The following TARS1 variants were observed in gnomAD, a reference collection of about 807,000 sequenced individuals.
The protein encoded by TARS1 is threonine--tRNA ligase 1, cytoplasmic.
In TARS1, 57 loss-of-function variants were observed where a neutral mutation model predicts 97.7. The ratio of observed to expected loss-of-function variants is 0.58; its 90% confidence interval spans 0.47 to 0.73. The LOEUF (loss-of-function observed/expected upper bound fraction) is 0.73. Among genes scored for constraint, TARS1 ranks in the 30% least tolerant of loss-of-function variants. The probability of loss-of-function intolerance (pLI) is 0.00; values close to 1 mark genes in which losing one functional copy is unlikely to be tolerated. For synonymous variants in TARS1, 312 were observed against 293.7 expected (o/e 1.06, Z -0.64); for missense variants, 806 against 888.3 (o/e 0.91, Z 1.18).
chr5:33,461,567 T>A, intron 13 of TARS1, 100 bp from the exon 14 acceptor site: 1 of 1,227,900 alleles, frequency 8.1e-7, no homozygotes, highest in South Asian at 1.4e-5. Context: ...GCAGAGAATA[T>A]TGATCTATGA....
intron 17 of TARS1, among the ~76,000 whole-genome samples, chr5:33,464,908 T>C (rs1422687452): frequency 1.3e-5 from 2 of 149,370 alleles, no homozygotes; most frequent in Non-Finnish European, 3.0e-5. Flanking sequence ...TACTAAAAAA[T>C]ACAAAAAATT....
rs768297886 is a variant in TARS1, at chr5:33,455,021, C to T, written c.530C>T (p.Pro177Leu). 2.1e-5 allele frequency: 34 copies of T among 1,613,566 alleles called. No homozygotes were observed. In the Middle Eastern group the frequency reaches 8.3e-4, roughly 39 times the overall value. ...TATGGTGGATGTTTATGCTACGGTC[C>T]GCCAATAGAAAATGGATTCTATTAT... ...RVYGGCLCYG[P>L]PIENGFYYDM... is the part of the protein sequence containing the mutation. Residue 177 changes from proline (P) to leucine (L), a missense_variant, in exon 5 of 19, where the codon CCG (proline) becomes CTG (leucine). Transcript: ENST00000265112.
At chr5:33,467,240 G>A (rs899592964) in intron 18 of TARS1, among the ~76,000 whole-genome samples, 2 of 150,806 alleles carry the variant, frequency 1.3e-5, no homozygotes, top group African/African-American at 4.9e-5. Context: ...GAATGAAGAC[G>A]CATTGCTTTT....
rs1398842086 is a variant in TARS1, at chr5:33,467,834, A to G, written c.*126A>G. On this transcript the variant is annotated 3_prime_UTR_variant, in exon 19 of 19. Transcript: ENST00000265112. ...GAGTTTGGCAAAGTCTGAATAGGTC[A>G]ACCTGCAGGCGTAACTATTTTTGAC... The G allele has an allele frequency of 2.7e-5, 26 of 979,620 alleles. No individual in the cohort carries two copies. 60.7% of individuals were successfully genotyped at this position (979,620 alleles called of 1,614,324 possible). A position where few individuals can be genotyped will look rare whatever the true frequency, so the allele number is the denominator to read the frequency against.
chr5:33,461,029 C>G lies in TARS1; in HGVS notation c.1378C>G (p.Gln460Glu). ...ACTCACCCGGGTACGAAGATTCCAA[C>G]AGGATGATGCTCACATATTCTGTGC... ...TGLTRVRRFQ[Q>E]DDAHIFCAME... Residue 460 changes from glutamine (Q) to glutamate (E), a missense_variant, in exon 12 of 19, where the codon CAG becomes GAG. Around this residue, in one of 3 missense-constraint regions of TARS1, gnomAD observed 446 missense variants for 511.0 expected, o/e 0.87. Transcript: ENST00000265112. The G allele has an allele frequency of 6.2e-7, 1 of 1,614,136 alleles. No homozygotes were observed. Among genetic ancestry groups the G allele is most frequent in the Non-Finnish European group, 8.5e-7 (1 of 1,180,028 alleles).
At chr5:33,466,295 T>A (rs1460127602) in intron 17 of TARS1, 4 of 152,220 alleles carry the variant, frequency 2.6e-5, no homozygotes, top group African/African-American at 9.7e-5. Context: ...ACATTTTTTA[T>A]ACTCATTGTT....
rs1267599588 is a variant in TARS1 at position 33,441,021 on chromosome 5, C to T, written c.-66C>T. The T allele has an allele frequency of 8.7e-6, 14 of 1,606,890 alleles. No homozygotes were observed. The African/African-American group carries it at 9.4e-5, about 11-fold the overall frequency. On this transcript the variant is annotated 5_prime_UTR_variant, in exon 1 of 19. Coordinates refer to ENST00000265112, the MANE Select transcript of TARS1 (RefSeq NM_152295.5). ...TCCCGGGCGCTAGCCCACCTCCCAC[C>T]CGCCTCTTGGCTCCTCTCCTCTAGG...
intron 17 of TARS1, among the ~76,000 whole-genome samples, chr5:33,465,273 A>G (rs560468727): frequency 6.6e-6 from 1 of 152,142 alleles, no homozygotes; most frequent in Non-Finnish European, 1.5e-5. Context: ...GAAGTTCTGT[A>G]TTGGTTAACT....
intron 11 of TARS1, among the ~76,000 whole-genome samples, chr5:33,460,121 C>T (rs1742222332): frequency 6.6e-6 from 1 of 151,652 alleles, no homozygotes; most frequent in Non-Finnish European, 1.5e-5. Context: ...TATATGCCAC[C>T]ATGCCCAGCT....
At chr5:33,458,415 C>A in intron 9 of TARS1, 151 bp from the exon 10 acceptor site, 1 of 550,200 alleles carries the variant, frequency 1.8e-6, no homozygotes, top group Non-Finnish European at 3.1e-6. Context: ...ATCAGAAACA[C>A]TGACATGGTT....
intron 3 of TARS1, 23 bp downstream of exon 3, chr5:33,448,754 C>A: frequency 6.5e-7 from 1 of 1,528,980 alleles, no homozygotes; most frequent in Non-Finnish European, 8.8e-7. Context: ...CCCATCATGA[C>A]CTTCCATAGT....
chr5:33,459,065 C>G (rs1460871854), intron 10 of TARS1, among the ~76,000 whole-genome samples: 1 of 151,802 alleles, frequency 6.6e-6, no homozygotes, highest in Non-Finnish European at 1.5e-5. Flanking sequence ...TCACATTGGG[C>G]TATATTTGCT....
intron 9 of TARS1, among the ~76,000 whole-genome samples, chr5:33,457,755 A>G (rs1452241416): frequency 1.3e-5 from 2 of 152,228 alleles, no homozygotes; most frequent in Middle Eastern, 3.2e-3. Context: ...ACAGAGTCCC[A>G]CAAAGATTAA....
chr5:33,446,756 G>A, intron 2 of TARS1: 1 of 1,288,420 alleles, frequency 7.8e-7, no homozygotes, highest in South Asian at 1.2e-5. Flanking sequence ...GATACAGAGG[G>A]TGGTGCAGGT....
At chr5:33,458,020 T>C (rs942706610) in intron 9 of TARS1, among the ~76,000 whole-genome samples, 4 of 152,176 alleles carry the variant, frequency 2.6e-5, no homozygotes, top group African/African-American at 7.2e-5. Context: ...CCAGCAATGA[T>C]TGATGGGCCC....
chr5:33,466,954 T>C lies in TARS1; in HGVS notation c.1992T>C (p.Asn664=). The C allele has an allele frequency of 3.1e-6, 5 of 1,606,830 alleles. No homozygotes were observed. The highest frequency in any genetic ancestry group is 8.5e-7 in the Non-Finnish European group (1 of 1,176,956). ...GTACATTGAATAAAAAGATTCGAAATGCACAGTTAGCACAGTATAACTTCA... is the reference window on the plus strand; with the variant it reads ...GTACATTGAATAAAAAGATTCGAAACGCACAGTTAGCACAGTATAACTTCA... ...PGCTLNKKIR[N]AQLAQYNFIL... is the part of the protein sequence containing the mutation. The change falls in exon 18 of 19, where the codon AAT becomes AAC. Residue 664 remains asparagine, a synonymous_variant. Transcript: ENST00000265112.
chr5:33,454,228 C>CA (rs1741902636), intron 4 of TARS1, among the ~76,000 whole-genome samples: 1 of 152,100 alleles, frequency 6.6e-6, no homozygotes, highest in Non-Finnish European at 1.5e-5. Flanking sequence ...TAAGGGGAGA[C>CA]AAAGTATTTT....
Position 33,461,167 on chromosome 5 carries a change from G to T in TARS1, c.1423G>T (p.Glu475Ter), listed in dbSNP as rs1292357414. Residue 475 changes from glutamate to a stop codon, truncating the protein, a stop_gained, in exon 13 of 19, where the codon GAA (glutamate) becomes TAA (stop). Transcript: ENST00000265112. LOFTEE classifies it high-confidence loss of function. Reference sequence around the variant, plus strand: ...GTTTTTTAATTTGAAGATTGAAGATGAAATAAAAGGTTGTTTGGATTTTCT... The same window carrying T: ...GTTTTTTAATTTGAAGATTGAAGATTAAATAAAAGGTTGTTTGGATTTTCT... The part of the protein sequence containing the change: ...IFCAMEQIED[E>*]IKGCLDFLRT... 8 of 1,604,014 alleles carry T rather than the reference G, an allele frequency of 5.0e-6. No individual in the cohort carries two copies. Among genetic ancestry groups the T allele is most frequent in the Non-Finnish European group, 6.8e-6 (8 of 1,175,544 alleles).
At chr5:33,449,123 G>A (rs576401398) in intron 3 of TARS1, among the ~76,000 whole-genome samples, 4 of 152,010 alleles carry the variant, frequency 2.6e-5, no homozygotes, top group Admixed American at 2.6e-4. Flanking sequence ...TGAAAAAAAT[G>A]TACTATTTTT....
Sources: allele counts gnomAD v4.1 joint callset (sites outside exome capture counted in the v4.1 genomes callset), GRCh38; gene constraint gnomAD v4.1.1; regional missense constraint gnomAD v4.1.1; transcripts MANE v1.5; gene names NCBI Gene and HGNC (gene_info 2026-07-23, HGNC 2026-07-21).